Variants in LOXHD1 observed in about 807,000 individuals in gnomAD.
The protein encoded by LOXHD1 is lipoxygenase homology domain-containing protein 1.
A neutral mutation model predicts 248.2 loss-of-function variants in LOXHD1; 205 were observed. That is an observed-to-expected ratio of 0.83 (90% CI 0.74 to 0.93). The LOEUF (loss-of-function observed/expected upper bound fraction) is 0.93, where lower values mean the gene tolerates loss of function less well. Ranked by LOEUF, LOXHD1 falls within the 40% of genes least tolerant of loss-of-function variation. The pLI, the probability that LOXHD1 is intolerant of heterozygous loss-of-function variation, is 0.00. For synonymous variants in LOXHD1, 1,113 were observed against 1,162.8 expected, an observed-to-expected ratio of 0.96 and a Z score of 0.87; for missense variants, 2,930 against 2,971.6, an observed-to-expected ratio of 0.99 and a Z score of 0.33.
intron 37 of LOXHD1, among the ~76,000 whole-genome samples, chr18:46,500,485 C>T (rs2034156750): frequency 6.6e-6 from 1 of 152,158 alleles, no homozygotes; most frequent in African/African-American, 2.4e-5. Flanking sequence ...TTCTCCATTC[C>T]CACTGCCATC....
At chr18:46,635,407 C>G (rs328194) in intron 4 of LOXHD1, among the ~76,000 whole-genome samples, 5 of 152,014 alleles carry the variant, frequency 3.3e-5, no homozygotes, top group African/African-American at 9.7e-5. Context: ...TCATGTCCTA[C>G]GCAAGGGGCA....
chr18:46,481,683 C>A (rs2032581823), intron 40 of LOXHD1, among the ~76,000 whole-genome samples: 1 of 152,218 alleles, frequency 6.6e-6, no homozygotes, highest in African/African-American at 2.4e-5. Flanking sequence ...CTCCCCGCTC[C>A]AGCCCTGGTG....
chr18:46,521,162 C>T lies in LOXHD1; in HGVS notation c.5206G>A (p.Gly1736Ser), dbSNP rs1324698100. The T allele has an allele frequency of 6.4e-7, 1 of 1,551,770 alleles. No homozygotes were observed. The highest frequency in any genetic ancestry group is 8.7e-7 in the Non-Finnish European group (1 of 1,147,010). Residue 1736 changes from glycine to serine, a missense_variant, in exon 33 of 41, where the codon GGC (glycine) becomes AGC (serine). Gly to Ser is a moderately conservative substitution (Grantham distance 56). Transcript: ENST00000642948. ...AAGACACGGGAGGTGATGCCGTCGC[C>T]TCTGTCCTTGGCCAGCCAGCAGTTA... ...NCNCWLAKDRGDGITSRVFDL... is the reference protein window; with the variant it reads ...NCNCWLAKDRSDGITSRVFDL...
intron 4 of LOXHD1, among the ~76,000 whole-genome samples, chr18:46,636,917 A>C (rs1301390424): frequency 6.6e-6 from 1 of 152,192 alleles, no homozygotes; most frequent in Non-Finnish European, 1.5e-5. Context: ...AGGCAGAGGC[A>C]GGTGGATCAC....
intron 2 of LOXHD1, among the ~76,000 whole-genome samples, chr18:46,647,337 A>AG (rs2039044225): frequency 6.6e-6 from 1 of 152,226 alleles, no homozygotes; most frequent in African/African-American, 2.4e-5. Flanking sequence ...AGGGTGGCTC[A>AG]GGGGCCCTTC....
intron 4 of LOXHD1, among the ~76,000 whole-genome samples, chr18:46,623,659 C>T (rs1165879877): frequency 2.0e-5 from 3 of 152,246 alleles, no homozygotes; most frequent in Non-Finnish European, 4.4e-5. Context: ...GAAATCCGTC[C>T]CTTGCCGGCT....
chr18:46,629,178 A>G (rs1318802106), intron 4 of LOXHD1, among the ~76,000 whole-genome samples: 2 of 152,196 alleles, frequency 1.3e-5, no homozygotes, highest in Non-Finnish European at 2.9e-5. Flanking sequence ...CAGGCACTCT[A>G]CAGAGGGAGA....
At chr18:46,654,288 G>A (rs9950685) in intron 1 of LOXHD1, among the ~76,000 whole-genome samples, 12,405 of 152,290 alleles carry the variant, frequency 0.081, 736 homozygotes, top group African/African-American at 0.16. Flanking sequence ...TGGACTAAGA[G>A]AGAAATCATT....
chr18:46,577,642 T>C lies in LOXHD1; in HGVS notation c.1970+65A>G, dbSNP rs575174783. 7 of 1,507,606 alleles carry C rather than the reference T, an allele frequency of 4.6e-6. No homozygotes were observed. In the African/African-American group the frequency reaches 8.3e-5, roughly 18 times the overall value. The allele number at this position is 1,507,606 out of a possible 1,614,324, so 93.4% of individuals were successfully genotyped here. ...TGCTGGTCATGGTAGTAGGGCTGGG[T>C]CTTCCCAAAACACAGGGATCATAAC... On this transcript the variant is annotated intron_variant, in intron 14 of 40. Coordinates refer to ENST00000642948, the MANE Select transcript of LOXHD1 (RefSeq NM_001384474.1).
intron 39 of LOXHD1, among the ~76,000 whole-genome samples, 173 bp from the exon 40 acceptor site, chr18:46,483,918 A>G (rs2143535880): frequency 6.6e-6 from 1 of 152,230 alleles, no homozygotes; most frequent in Non-Finnish European, 1.5e-5. Flanking sequence ...GTTTGGGACC[A>G]AGACAATCAC....
At chr18:46,573,169 G>T (rs1240428961) in intron 14 of LOXHD1, among the ~76,000 whole-genome samples, 1 of 152,028 alleles carries the variant, frequency 6.6e-6, no homozygotes, top group Non-Finnish European at 1.5e-5. Flanking sequence ...AGAGATAAAT[G>T]AGAATTGCCT....
chr18:46,655,192 T>C (rs986001814), intron 1 of LOXHD1, among the ~76,000 whole-genome samples: 1 of 152,216 alleles, frequency 6.6e-6, no homozygotes, highest in African/African-American at 2.4e-5. Context: ...TTTGAGGTTC[T>C]TGTTGTCCAT....
intron 4 of LOXHD1, 28 bp downstream of exon 4, chr18:46,639,588 T>C (rs1258716746): frequency 6.5e-7 from 1 of 1,538,774 alleles, no homozygotes; most frequent in Admixed American, 2.0e-5. Flanking sequence ...TAGGGAGGGA[T>C]GGCAGGCAGG....
At chr18:46,654,421 G>A (rs904461597) in intron 1 of LOXHD1, among the ~76,000 whole-genome samples, 1 of 152,222 alleles carries the variant, frequency 6.6e-6, no homozygotes, top group East Asian at 1.9e-4. Flanking sequence ...GGAAGCCTGT[G>A]CAGGGTGGCC....
chr18:46,593,479 A>G (rs941485457), intron 10 of LOXHD1, 121 bp downstream of exon 10: 13 of 1,107,170 alleles, frequency 1.2e-5, no homozygotes, highest in Non-Finnish European at 1.5e-5. Context: ...TAAAATCTCC[A>G]TCGTACATTT....
At chr18:46,623,283 T>C (rs1321967235) in intron 4 of LOXHD1, among the ~76,000 whole-genome samples, 1 of 152,102 alleles carries the variant, frequency 6.6e-6, no homozygotes, top group African/African-American at 2.4e-5. Context: ...ATTTGTGCAG[T>C]GTGTGACCTG....
intron 20 of LOXHD1, chr18:46,557,843 T>C (rs1423756758): frequency 4.7e-6 from 6 of 1,288,082 alleles, no homozygotes; most frequent in Admixed American, 3.3e-5. Context: ...ACTGAAACCC[T>C]CTGCAATGTG....
intron 1 of LOXHD1, 84 bp downstream of exon 1, chr18:46,656,820 G>C: frequency 6.9e-7 from 1 of 1,441,570 alleles, no homozygotes; most frequent in South Asian, 1.3e-5. Flanking sequence ...CGAAATCTTA[G>C]AATGACTCCC....
At chr18:46,554,895 C>G (rs1287841435) in intron 21 of LOXHD1, among the ~76,000 whole-genome samples, 2 of 151,912 alleles carry the variant, frequency 1.3e-5, no homozygotes, top group Admixed American at 6.6e-5. Context: ...TCTAAATATG[C>G]AATTCTCTAC....
Sources: gnomAD v4.1 joint callset for allele counts (sites outside exome capture counted in the v4.1 genomes callset) on GRCh38, gnomAD v4.1.1 for gene constraint, MANE v1.5 for transcripts, NCBI Gene and HGNC (gene_info 2026-07-23, HGNC 2026-07-21) for gene names.